TBCK: variants seen among roughly 807,000 people sequenced by gnomAD.
TBCK encodes TBC domain-containing protein kinase-like protein.
In TBCK, 99 loss-of-function variants were observed where a neutral mutation model predicts 113.4. That is an observed-to-expected ratio of 0.87 (90% CI 0.74 to 1.03). The LOEUF is 1.03. TBCK is among the 50% of genes least tolerant of loss of function. The pLI is 0.00. For missense variants in TBCK, 1,045 were observed against 1,061.3 expected, an observed-to-expected ratio of 0.98 and a Z score of 0.21; for synonymous variants, 369 against 370.8, an observed-to-expected ratio of 1.00 and a Z score of 0.05.
At position 106,248,263 on chromosome 4, in the gene TBCK, G is replaced by T; in HGVS notation, c.764C>A (p.Thr255Asn). The change falls in exon 9 of 26, where the codon ACC becomes AAC. Residue 255 changes from threonine to asparagine, a missense_variant. Physicochemically the swap from Thr to Asn is moderately conservative, Grantham distance 65 (BLOSUM62 0). Coordinates refer to ENST00000394708, the MANE Select transcript of TBCK (RefSeq NM_001163435.3). ...TATCAACCTCTTAGAAGGATGGAAGGTAAGGCACTTATTCAAAAGATCTAT... is the reference window on the plus strand; with the variant it reads ...TATCAACCTCTTAGAAGGATGGAAGTTAAGGCACTTATTCAAAAGATCTAT... ...TVIDLLNKCL[T>N]FHPSKRPTPD... 6.3e-7 allele frequency: 1 copy of T among 1,598,196 alleles called. No homozygotes were observed. The highest frequency in any genetic ancestry group is 8.5e-7 in the Non-Finnish European group (1 of 1,172,262).
intron 25 of TBCK, among the ~76,000 whole-genome samples, chr4:106,092,228 A>C (rs1740350410): frequency 6.6e-6 from 1 of 152,204 alleles, no homozygotes; most frequent in African/African-American, 2.4e-5. Flanking sequence ...TGGTATGTTT[A>C]CAAACCTTGA....
chr4:106,258,813 C>T (rs575424421), intron 5 of TBCK, among the ~76,000 whole-genome samples: 1 of 152,006 alleles, frequency 6.6e-6, no homozygotes, highest in Non-Finnish European at 1.5e-5. Flanking sequence ...GCTAGAGCCT[C>T]ACTAAAAACT....
chr4:106,077,860 A>G (rs1738393168), intron 25 of TBCK, among the ~76,000 whole-genome samples: 1 of 152,192 alleles, frequency 6.6e-6, no homozygotes, highest in Non-Finnish European at 1.5e-5. Context: ...TATTCTTCTC[A>G]TCTGCACATG....
intron 23 of TBCK, among the ~76,000 whole-genome samples, chr4:106,131,556 C>T (rs564001755): frequency 3.1e-4 from 47 of 152,156 alleles, no homozygotes; most frequent in African/African-American, 7.2e-4. Context: ...GAGGTTGCAG[C>T]GAGCCAAGAT....
chr4:106,152,489 A>AT (rs1002991983), intron 23 of TBCK, among the ~76,000 whole-genome samples: 4 of 151,688 alleles, frequency 2.6e-5, no homozygotes, highest in Non-Finnish European at 4.4e-5. Context: ...GGTTTGCTAA[A>AT]TTTTTTTTGA....
intron 22 of TBCK, among the ~76,000 whole-genome samples, chr4:106,189,447 G>A (rs753184194): frequency 4.0e-5 from 6 of 151,882 alleles, no homozygotes; most frequent in Non-Finnish European, 5.9e-5. Flanking sequence ...AGGTAAAGTG[G>A]CATCAATCTT....
intron 17 of TBCK, 45 bp from the exon 18 acceptor site, chr4:106,231,824 T>C (rs1758884825): frequency 6.5e-7 from 1 of 1,535,140 alleles, no homozygotes; most frequent in East Asian, 2.3e-5. Context: ...AAATATAATC[T>C]AGTAGAATTG....
At chr4:106,097,660 C>T (rs1001657836) in intron 24 of TBCK, among the ~76,000 whole-genome samples, 1 of 152,086 alleles carries the variant, frequency 6.6e-6, no homozygotes, top group East Asian at 1.9e-4. Context: ...GCCTACAATA[C>T]AATTTCCCAT....
rs1416129714 is a variant in TBCK, at chr4:106,163,268, A to G, written c.2235+7827T>C. 2.6e-5 allele frequency: 4 copies of G among 152,268 alleles called. No individual in the cohort carries two copies. In the East Asian group the frequency reaches 5.8e-4, roughly 22 times the overall value. The allele number at this position is 152,268 out of a possible 1,614,324, so 9.4% of individuals were successfully genotyped here. On this transcript the variant is annotated intron_variant, in intron 23 of 25. Coordinates refer to ENST00000394708, the MANE Select transcript of TBCK (RefSeq NM_001163435.3). The stretch of plus-strand genomic sequence containing the variant: ...TCAGCATTTTGGTCAAAGCCATTCA[A>G]TAAGTCTCTAGGGAGTTCCAAATTT...
intron 3 of TBCK, among the ~76,000 whole-genome samples, chr4:106,267,073 T>C (rs972126155): frequency 6.6e-6 from 1 of 151,944 alleles, no homozygotes; most frequent in Non-Finnish European, 1.5e-5. Context: ...GAGAATCTTG[T>C]TAAATAGACA....
chr4:106,288,515 T>C (rs1426301989), intron 3 of TBCK, among the ~76,000 whole-genome samples: 1 of 152,244 alleles, frequency 6.6e-6, no homozygotes, highest in African/African-American at 2.4e-5. Flanking sequence ...CTGATCAAGA[T>C]ACAAAAATGT....
intron 23 of TBCK, among the ~76,000 whole-genome samples, chr4:106,155,675 T>C (rs1749040585): frequency 6.6e-6 from 1 of 152,076 alleles, no homozygotes; most frequent in Non-Finnish European, 1.5e-5. Context: ...AGGACTGTGA[T>C]GCATTCTTCA....
At chr4:106,111,327 A>G (rs1742831562) in intron 24 of TBCK, among the ~76,000 whole-genome samples, 1 of 152,202 alleles carries the variant, frequency 6.6e-6, no homozygotes, top group African/African-American at 2.4e-5. Flanking sequence ...TTTGCAACCT[A>G]TGGGGCCCCT....
At chr4:106,094,563 A>T (rs947922856) in intron 25 of TBCK, among the ~76,000 whole-genome samples, 37 of 152,330 alleles carry the variant, frequency 2.4e-4, no homozygotes, top group African/African-American at 8.4e-4. Context: ...ACATTTCAGG[A>T]GTGCTCAAAG....
intron 22 of TBCK, among the ~76,000 whole-genome samples, chr4:106,177,589 T>A (rs1469753230): frequency 6.6e-6 from 1 of 151,972 alleles, no homozygotes; most frequent in African/African-American, 2.4e-5. Context: ...AAAAAACCTG[T>A]CTTTTCCCCA....
At chr4:106,201,854 AATT>A (rs1194615684) in intron 20 of TBCK, among the ~76,000 whole-genome samples, 3 of 152,052 alleles carry the variant, frequency 2.0e-5, no homozygotes. Flanking sequence ...TTCATATTTA[AATT>A]ATTATATGCC....
intron 3 of TBCK, among the ~76,000 whole-genome samples, chr4:106,287,367 C>T (rs1299773157): frequency 6.6e-6 from 1 of 152,092 alleles, no homozygotes; most frequent in Non-Finnish European, 1.5e-5. Flanking sequence ...GCATGTCACT[C>T]CTGTTTTGTA....
rs552521682 is a variant in TBCK at position 106,194,698 on chromosome 4, C to A, written c.1897+20G>T. The A allele has an allele frequency of 8.6e-5, 136 of 1,587,284 alleles. 3 individuals carry two copies. In the South Asian group the frequency reaches 1.5e-3, roughly 17 times the overall value. On this transcript the variant is annotated intron_variant, in intron 21 of 25. Transcript: ENST00000394708. ...TTTTGCTAATACAATATCAAAAAAA[C>A]CGGGGGAAGTCATACTTACGAGTAA... is the stretch of plus-strand genomic sequence containing the variant.
chr4:106,264,506 G>A (rs1008600140), intron 3 of TBCK, among the ~76,000 whole-genome samples: 14 of 151,946 alleles, frequency 9.2e-5, no homozygotes, highest in East Asian at 1.9e-4. Flanking sequence ...GTCAGAAGAC[G>A]TAAGGCCCTT....
Sources: allele counts gnomAD v4.1 joint callset (sites outside exome capture counted in the v4.1 genomes callset), GRCh38; gene constraint gnomAD v4.1.1; transcripts MANE v1.5; gene names NCBI Gene and HGNC (gene_info 2026-07-23, HGNC 2026-07-21).